Variants in NRXN3 observed in about 807,000 individuals in gnomAD.
NRXN3 encodes neurexin 3.
NRXN3 carries 32 observed loss-of-function variants against 137.6 expected under a neutral mutation model. The ratio of observed to expected loss-of-function variants is 0.23; its 90% CI spans 0.18 to 0.31. The LOEUF is 0.31. Ranked by LOEUF, NRXN3 falls within the 10% of genes least tolerant of loss-of-function variation. The pLI, the probability that NRXN3 is intolerant of heterozygous loss-of-function variation, is 1.00. For missense variants in NRXN3, 1,574 were observed against 2,062.5 expected, an observed-to-expected ratio of 0.76 and a Z score of 4.59; for synonymous variants, 798 against 784.5, an observed-to-expected ratio of 1.02 and a Z score of -0.29.
chr14:79,614,985 T>C, intron 16 of NRXN3, among the ~76,000 whole-genome samples: 1 of 152,194 alleles, frequency 6.6e-6, no homozygotes, highest in Non-Finnish European at 1.5e-5. Flanking sequence ...GGCTGGGTCT[T>C]CTCTTGGAAG....
intron 2 of NRXN3, among the ~76,000 whole-genome samples, chr14:78,259,205 C>A (rs139685146): frequency 6.6e-6 from 1 of 151,948 alleles, no homozygotes; most frequent in Non-Finnish European, 1.5e-5. Flanking sequence ...GCGGTGATGA[C>A]GAACCTGAGG....
intron 16 of NRXN3, among the ~76,000 whole-genome samples, chr14:79,502,331 G>A (rs554576511): frequency 6.6e-6 from 1 of 152,260 alleles, no homozygotes; most frequent in Admixed American, 6.5e-5. Flanking sequence ...TGCAGACAGA[G>A]GGCAGACCCT....
intron 1 of NRXN3, among the ~76,000 whole-genome samples, chr14:78,208,124 G>T (rs2062390712): frequency 6.6e-6 from 1 of 152,180 alleles, no homozygotes; most frequent in African/African-American, 2.4e-5. Flanking sequence ...TACATAATTT[G>T]TAGGGTGTTA....
chr14:78,722,795 C>T (rs1386599614), intron 8 of NRXN3, among the ~76,000 whole-genome samples: 1 of 152,106 alleles, frequency 6.6e-6, no homozygotes, highest in Non-Finnish European at 1.5e-5. Context: ...CTGTGGTTCT[C>T]ATAAATGTGC....
At chr14:78,839,657 C>G (rs970125663) in intron 10 of NRXN3, among the ~76,000 whole-genome samples, 5 of 152,136 alleles carry the variant, frequency 3.3e-5, no homozygotes, top group Non-Finnish European at 7.3e-5. Flanking sequence ...TTGCCTCACT[C>G]AATCACATGT....
chr14:78,895,839 G>A (rs1357848028), intron 10 of NRXN3, among the ~76,000 whole-genome samples: 1 of 151,890 alleles, frequency 6.6e-6, no homozygotes, highest in African/African-American at 2.4e-5. Flanking sequence ...GAAGAAAAAT[G>A]TGAGAATGGC....
intron 8 of NRXN3, among the ~76,000 whole-genome samples, chr14:78,795,730 G>A (rs1007221167): frequency 6.6e-6 from 1 of 152,220 alleles, no homozygotes; most frequent in Non-Finnish European, 1.5e-5. Flanking sequence ...TGGGAAAGGA[G>A]TGAGCTTAGC....
chr14:78,250,246 A>G (rs2068396863), intron 2 of NRXN3: 3 of 350,356 alleles, frequency 8.6e-6, no homozygotes, highest in African/African-American at 6.5e-5. Context: ...AACAGGAATC[A>G]TAAAAAATCG....
At chr14:78,828,161 A>G (rs8006863) in intron 10 of NRXN3, among the ~76,000 whole-genome samples, 3,398 of 152,280 alleles carry the variant, frequency 0.022, 117 homozygotes, top group South Asian at 0.12. Flanking sequence ...TTTATAGTTC[A>G]ATATTATCGA....
chr14:79,096,121 T>C (rs546793190), intron 15 of NRXN3, among the ~76,000 whole-genome samples: 122 of 151,950 alleles, frequency 8.0e-4, no homozygotes, highest in African/African-American at 2.9e-3. Context: ...TTTTTTTTTT[T>C]TGTAGAGCCA....
intron 15 of NRXN3, among the ~76,000 whole-genome samples, chr14:79,386,238 G>T (rs1293894197): frequency 5.9e-5 from 9 of 152,112 alleles, no homozygotes; most frequent in Non-Finnish European, 8.8e-5. Context: ...CTTACGCTGA[G>T]AGGCAACTTC....
intron 4 of NRXN3, among the ~76,000 whole-genome samples, chr14:78,459,530 C>A (rs991428992): frequency 1.3e-5 from 2 of 152,174 alleles, no homozygotes; most frequent in Admixed American, 6.5e-5. Flanking sequence ...CCTTTCTCCC[C>A]AGCCCCTGTA....
At chr14:79,380,050 G>T (rs1237418378) in intron 15 of NRXN3, among the ~76,000 whole-genome samples, 1 of 150,420 alleles carries the variant, frequency 6.6e-6, no homozygotes. Context: ...GTTCAACAGT[G>T]TTTTTCCAAC....
At chr14:79,164,202 A>G (rs1211093587) in intron 15 of NRXN3, among the ~76,000 whole-genome samples, 2 of 151,826 alleles carry the variant, frequency 1.3e-5, no homozygotes, top group Non-Finnish European at 2.9e-5. Context: ...TCTTATGTCT[A>G]CTCTAACTAT....
chr14:78,513,651 T>G (rs1463256639), intron 4 of NRXN3, among the ~76,000 whole-genome samples: 1 of 152,038 alleles, frequency 6.6e-6, no homozygotes, highest in Non-Finnish European at 1.5e-5. Context: ...TAAATCAATG[T>G]GCAAAAAAAA....
intron 15 of NRXN3, among the ~76,000 whole-genome samples, chr14:79,323,560 T>C (rs1318515046): frequency 6.6e-6 from 1 of 152,212 alleles, no homozygotes; most frequent in African/African-American, 2.4e-5. Flanking sequence ...TACATTGTTT[T>C]TAATATTTTA....
intron 15 of NRXN3, among the ~76,000 whole-genome samples, chr14:79,115,086 G>A (rs993413677): frequency 1.3e-5 from 2 of 152,044 alleles, no homozygotes; most frequent in Admixed American, 6.6e-5. Flanking sequence ...AGCACTTTGG[G>A]AGGCCACAGA....
In NRXN3 at chr14:78,464,582, A is replaced by G. The variant is rs75371352; in HGVS notation, c.757+166722A>G. Among the ~76,000 whole-genome samples the G allele has an allele frequency of 4.0e-3, 609 of 152,330 alleles. 4 individuals are homozygous for G. Among genetic ancestry groups the G allele is most frequent in the African/African-American group, 0.013 (553 of 41,584 alleles). On this transcript the variant is annotated intron_variant, in intron 4 of 20. Transcript: ENST00000335750. ...GAAAAGAGTTGTATTTTTGTTCTTC[A>G]TGCTTTTAAAATTATACAAGAAAAA...
chr14:78,899,344 G>A (rs1416625481), intron 10 of NRXN3, among the ~76,000 whole-genome samples: 6 of 151,886 alleles, frequency 4.0e-5, no homozygotes, highest in African/African-American at 1.5e-4. Context: ...CCAATCCTAA[G>A]CCCAAGAATT....
Sources: gnomAD v4.1 joint callset for allele counts (sites outside exome capture counted in the v4.1 genomes callset) on GRCh38, gnomAD v4.1.1 for gene constraint, MANE v1.5 for transcripts, NCBI Gene and HGNC (gene_info 2026-07-23, HGNC 2026-07-21) for gene names.